LHFPL6: variants seen among roughly 807,000 people sequenced by gnomAD.
LHFPL6 encodes LHFPL tetraspan subfamily member 6, also known as LHFPL tetraspan subfamily member 6 protein.
LHFPL6 carries 9 observed loss-of-function variants against 20.6 expected under a neutral mutation model. That is an observed-to-expected ratio of 0.44 (90% CI 0.26 to 0.76). The LOEUF (loss-of-function observed/expected upper bound fraction) is 0.76. Among genes scored for constraint, LHFPL6 ranks in the 30% least tolerant of loss-of-function variants. LHFPL6 has a pLI of 0.20. For synonymous variants in LHFPL6, 105 were observed against 98.7 expected (o/e 1.06, Z -0.38); for missense variants, 218 against 253.5 (o/e 0.86, Z 0.95).
chr13:39,499,356 T>C (rs1322068085), intron 2 of LHFPL6, among the ~76,000 whole-genome samples: 4 of 152,224 alleles, frequency 2.6e-5, no homozygotes, highest in Non-Finnish European at 5.9e-5. Flanking sequence ...AGCCAGGCCT[T>C]CATTACTTTG....
At chr13:39,561,169 C>T (rs577395393) in intron 2 of LHFPL6, among the ~76,000 whole-genome samples, 1 of 151,846 alleles carries the variant, frequency 6.6e-6, no homozygotes, top group Non-Finnish European at 1.5e-5. Flanking sequence ...GCTTTGCCTG[C>T]CTCCTCCCCA....
At chr13:39,344,151 C>A in intron 3 of LHFPL6, 97 bp from the exon 4 acceptor site, 1 of 875,396 alleles carries the variant, frequency 1.1e-6, no homozygotes, top group South Asian at 1.6e-5. Context: ...CTGAAACACC[C>A]TTTAGGAATA....
At chr13:39,412,810 C>T (rs561913372) in intron 2 of LHFPL6, among the ~76,000 whole-genome samples, 1 of 151,904 alleles carries the variant, frequency 6.6e-6, no homozygotes, top group East Asian at 1.9e-4. Context: ...GTAATCCCAG[C>T]TACTCGGGAG....
chr13:39,485,529 T>C (rs575191944), intron 2 of LHFPL6, among the ~76,000 whole-genome samples: 1 of 152,186 alleles, frequency 6.6e-6, no homozygotes, highest in African/African-American at 2.4e-5. Context: ...AGAGCCCTGA[T>C]AGAATTCTGG....
At chr13:39,579,328 G>A (rs185905104) in intron 2 of LHFPL6, among the ~76,000 whole-genome samples, 185 of 152,276 alleles carry the variant, frequency 1.2e-3, no homozygotes, top group Non-Finnish European at 1.9e-3. Flanking sequence ...GACACTAAAC[G>A]AGAACAATAT....
intron 3 of LHFPL6, among the ~76,000 whole-genome samples, chr13:39,357,989 C>T (rs1274441686): frequency 6.6e-6 from 1 of 152,104 alleles, no homozygotes; most frequent in Non-Finnish European, 1.5e-5. Flanking sequence ...TTGGTAGATA[C>T]TGCTCAGAGC....
intron 2 of LHFPL6, among the ~76,000 whole-genome samples, chr13:39,402,203 G>A (rs1347964170): frequency 1.3e-5 from 2 of 151,936 alleles, no homozygotes; most frequent in African/African-American, 4.8e-5. Context: ...TGTTTCTTTT[G>A]CTTTTTTAAA....
At chr13:39,506,944 AAGG>A (rs777583599) in intron 2 of LHFPL6, among the ~76,000 whole-genome samples, 10 of 152,140 alleles carry the variant, frequency 6.6e-5, no homozygotes, top group Non-Finnish European at 1.5e-4. Flanking sequence ...GCTAGCCAAG[AAGG>A]AGATGTTTAA....
intron 2 of LHFPL6, among the ~76,000 whole-genome samples, chr13:39,471,519 T>G (rs17060030): frequency 0.013 from 1,975 of 152,306 alleles, 39 homozygotes; most frequent in African/African-American, 0.046. Flanking sequence ...CAGGACATTC[T>G]GTAAAAGTGG....
intron 2 of LHFPL6, among the ~76,000 whole-genome samples, chr13:39,400,754 G>T (rs1179026430): frequency 1.7e-5 from 2 of 117,584 alleles, no homozygotes; most frequent in African/African-American, 3.3e-5. Context: ...CTGCACTCCA[G>T]CCTGGGCGAC....
At chr13:39,394,552 A>G (rs1870796133) in intron 2 of LHFPL6, among the ~76,000 whole-genome samples, 1 of 152,224 alleles carries the variant, frequency 6.6e-6, no homozygotes, top group Non-Finnish European at 1.5e-5. Context: ...ACCTTAAGTC[A>G]GTACTTCTCT....
chr13:39,568,504 GC>G (rs1871800610), intron 2 of LHFPL6, among the ~76,000 whole-genome samples: 1 of 152,026 alleles, frequency 6.6e-6, no homozygotes, highest in African/African-American at 2.4e-5. Flanking sequence ...ATATATATCT[GC>G]CTATATAAAT....
intron 3 of LHFPL6, among the ~76,000 whole-genome samples, chr13:39,360,007 AG>A (rs1240413082): frequency 6.6e-6 from 1 of 151,520 alleles, no homozygotes; most frequent in African/African-American, 2.4e-5. Flanking sequence ...AAGAGGAGAC[AG>A]GATTTTGTTT....
intron 2 of LHFPL6, among the ~76,000 whole-genome samples, chr13:39,562,203 G>T (rs1249485566): frequency 1.3e-5 from 2 of 151,972 alleles, no homozygotes; most frequent in Admixed American, 1.3e-4. Flanking sequence ...TATCCAGCAT[G>T]AATGGTGCAT....
intron 2 of LHFPL6, among the ~76,000 whole-genome samples, chr13:39,588,576 C>G (rs891618839): frequency 6.6e-6 from 1 of 152,310 alleles, no homozygotes; most frequent in African/African-American, 2.4e-5. Context: ...GTATGACACA[C>G]CATCGTTTCA....
Position 39,568,166 on chromosome 13 carries a change from G to A in LHFPL6, c.385+32666C>T, listed in dbSNP as rs531019468. The stretch of plus-strand genomic sequence containing the variant: ...AGAGAAAACTTCCAGACATCCACCT[G>A]TTTCTTTAAATGAGTTGCATGTATT... On this transcript the variant is annotated intron_variant, in intron 2 of 3. Coordinates refer to ENST00000379589, the MANE Select transcript of LHFPL6 (RefSeq NM_005780.3). 1.1e-4 allele frequency among the ~76,000 whole-genome samples: 17 copies of A among 152,028 alleles called. No homozygotes were observed. In the South Asian group the frequency reaches 3.5e-3, roughly 32 times the overall value.
intron 2 of LHFPL6, among the ~76,000 whole-genome samples, chr13:39,390,193 G>T (rs1319683968): frequency 6.6e-6 from 1 of 152,108 alleles, no homozygotes; most frequent in Non-Finnish European, 1.5e-5. Flanking sequence ...TTGTTGAACT[G>T]GATAGTGAAA....
At chr13:39,446,628 A>G (rs1872298822) in intron 2 of LHFPL6, among the ~76,000 whole-genome samples, 1 of 152,118 alleles carries the variant, frequency 6.6e-6, no homozygotes, top group South Asian at 2.1e-4. Context: ...CTTCCCTATG[A>G]GGCTGATACC....
At chr13:39,541,913 C>T (rs1870813370) in intron 2 of LHFPL6, among the ~76,000 whole-genome samples, 1 of 151,628 alleles carries the variant, frequency 6.6e-6, no homozygotes, top group African/African-American at 2.4e-5. Flanking sequence ...CACAGTGAAA[C>T]CCCGTCTCTA....
Sources: allele counts gnomAD v4.1 joint callset (sites outside exome capture counted in the v4.1 genomes callset), GRCh38; gene constraint gnomAD v4.1.1; transcripts MANE v1.5; gene names NCBI Gene and HGNC (gene_info 2026-07-23, HGNC 2026-07-21).